Variants in ADGRL2 observed in about 807,000 individuals in gnomAD.
ADGRL2 encodes the protein calcium-independent alpha-latrotoxin receptor 2.
ADGRL2 carries 44 observed loss-of-function variants against 157.4 expected under a neutral mutation model. The observed-to-expected ratio is 0.28, with a 90% CI of 0.22 to 0.36. The LOEUF is 0.36. Ranked by LOEUF, ADGRL2 falls within the 10% of genes least tolerant of loss-of-function variation. The pLI, the probability that ADGRL2 is intolerant of heterozygous loss-of-function variation, is 1.00. For missense variants in ADGRL2, 1,510 were observed against 1,768.9 expected (o/e 0.85, Z 2.63); for synonymous variants, 585 against 624.7 (o/e 0.94, Z 0.95).
At chr1:81,523,432 G>C (rs891581315) in intron 2 of ADGRL2, among the ~76,000 whole-genome samples, 1 of 151,980 alleles carries the variant, frequency 6.6e-6, no homozygotes, top group African/African-American at 2.4e-5. Flanking sequence ...CACACACAGA[G>C]AGAGAGAGAA....
At chr1:81,632,171 C>T (rs868340841) in intron 3 of ADGRL2, among the ~76,000 whole-genome samples, 1 of 152,130 alleles carries the variant, frequency 6.6e-6, no homozygotes, top group Non-Finnish European at 1.5e-5. Flanking sequence ...AGCCCCTAGC[C>T]TATTGATACC....
chr1:81,702,497 C>G (rs1197039046), intron 1 of ADGRL2, among the ~76,000 whole-genome samples: 1 of 152,024 alleles, frequency 6.6e-6, no homozygotes, highest in African/African-American at 2.4e-5. Context: ...GGTGAAAGAA[C>G]TCCAGGGTAT....
rs1422333803 is a variant in ADGRL2, at chr1:81,427,629, C to T, written c.-301-17407C>T. The T allele has an allele frequency of 1.9e-5, 12 of 635,940 alleles. No individual in the cohort carries two copies. In the Admixed American group the frequency reaches 2.5e-4, roughly 13 times the overall value. The allele number at this position is 635,940 out of a possible 1,614,324, so 39.4% of individuals were successfully genotyped here. On this transcript the variant is annotated intron_variant, in intron 1 of 24. Transcript: ENST00000370721. Reference sequence around the variant, plus strand: ...AGGTTTTGAAAACAGCAGAAAAGGGCTGCAGCTCTTAGCAGGAGAGAGAGA... The same window carrying T: ...AGGTTTTGAAAACAGCAGAAAAGGGTTGCAGCTCTTAGCAGGAGAGAGAGA...
chr1:81,717,147 C>A (rs1309589110), intron 1 of ADGRL2, among the ~76,000 whole-genome samples: 3 of 152,158 alleles, frequency 2.0e-5, no homozygotes, highest in Non-Finnish European at 4.4e-5. Context: ...ATTATCAGGA[C>A]TTCCCAAAGC....
chr1:81,896,025 G>T (rs918953501), intron 2 of ADGRL2, among the ~76,000 whole-genome samples: 1 of 152,162 alleles, frequency 6.6e-6, no homozygotes, highest in Non-Finnish European at 1.5e-5. Flanking sequence ...ACTCAGGCTG[G>T]ATGGAGGTGG....
intron 2 of ADGRL2, among the ~76,000 whole-genome samples, chr1:81,782,244 A>G (rs980242336): frequency 6.6e-6 from 1 of 152,184 alleles, no homozygotes; most frequent in Non-Finnish European, 1.5e-5. Context: ...ATGGTGCTTG[A>G]TTAATGTTCA....
chr1:81,341,575 T>G (rs971320641), intron 1 of ADGRL2, among the ~76,000 whole-genome samples: 1 of 152,184 alleles, frequency 6.6e-6, no homozygotes, highest in African/African-American at 2.4e-5. Context: ...TATATTAGCC[T>G]TATAAAAGCA....
intron 1 of ADGRL2, among the ~76,000 whole-genome samples, chr1:81,431,435 G>A (rs2077319084): frequency 6.6e-6 from 1 of 152,116 alleles, no homozygotes; most frequent in Non-Finnish European, 1.5e-5. Flanking sequence ...GGCTGCCGCT[G>A]AAGGGCCACA....
chr1:81,747,293 G>GTATATA (rs1183759275), intron 1 of ADGRL2, among the ~76,000 whole-genome samples: 1 of 144,724 alleles, frequency 6.9e-6, no homozygotes, highest in African/African-American at 2.6e-5. Context: ...GCATACATGT[G>GTATATA]TATATATATA....
chr1:81,344,753 G>T (rs1233050837), intron 1 of ADGRL2, among the ~76,000 whole-genome samples: 1 of 149,714 alleles, frequency 6.7e-6, no homozygotes, highest in Admixed American at 6.7e-5. Context: ...AAAAAATCAA[G>T]GAAATATTTT....
chr1:81,794,018 A>G (rs558235342), intron 2 of ADGRL2, among the ~76,000 whole-genome samples: 2 of 152,124 alleles, frequency 1.3e-5, no homozygotes, highest in Non-Finnish European at 2.9e-5. Context: ...GCTTTTCTCT[A>G]ATTTTATTTT....
At chr1:81,367,862 C>G (rs1364765051) in intron 1 of ADGRL2, among the ~76,000 whole-genome samples, 1 of 152,074 alleles carries the variant, frequency 6.6e-6, no homozygotes, top group African/African-American at 2.4e-5. Context: ...TGATCTCATT[C>G]CTTTTTATGG....
At chr1:81,404,629 T>G (rs2076821329) in intron 1 of ADGRL2, among the ~76,000 whole-genome samples, 1 of 152,210 alleles carries the variant, frequency 6.6e-6, no homozygotes, top group African/African-American at 2.4e-5. Flanking sequence ...CTTGATAGGT[T>G]GTAAGCATTT....
intron 3 of ADGRL2, among the ~76,000 whole-genome samples, chr1:81,685,009 C>G (rs1370831623): frequency 6.6e-6 from 1 of 152,114 alleles, no homozygotes; most frequent in African/African-American, 2.4e-5. Context: ...TATTTTTATA[C>G]CTGTACCATG....
chr1:81,655,233 T>C (rs1016782509), intron 3 of ADGRL2, among the ~76,000 whole-genome samples: 7 of 152,256 alleles, frequency 4.6e-5, no homozygotes, highest in Admixed American at 2.6e-4. Context: ...ATCTCCTGAC[T>C]TCGTGATCCG....
chr1:81,793,292 T>C (rs1209424983), intron 2 of ADGRL2, among the ~76,000 whole-genome samples: 3 of 152,138 alleles, frequency 2.0e-5, no homozygotes, highest in Admixed American at 1.3e-4. Flanking sequence ...CCAAAGGGAA[T>C]TGCATCTTTA....
chr1:81,940,571 A>G (rs1647531263), intron 4 of ADGRL2, among the ~76,000 whole-genome samples: 1 of 151,636 alleles, frequency 6.6e-6, no homozygotes. Context: ...TGCCATTCCT[A>G]TGGCAAAAAT....
intron 3 of ADGRL2, among the ~76,000 whole-genome samples, chr1:81,923,310 A>T (rs2148640446): frequency 6.6e-6 from 1 of 152,208 alleles, no homozygotes; most frequent in East Asian, 1.9e-4. Context: ...TCATGATTAA[A>T]GATTAGTTCA....
chr1:81,681,439 C>T (rs1259993629), intron 3 of ADGRL2, among the ~76,000 whole-genome samples: 1 of 152,200 alleles, frequency 6.6e-6, no homozygotes, highest in Middle Eastern at 3.2e-3. Context: ...AAGGGTTAAA[C>T]TCAGCAATAT....
Sources: gnomAD v4.1 joint callset for allele counts (sites outside exome capture counted in the v4.1 genomes callset) on GRCh38, gnomAD v4.1.1 for gene constraint, MANE v1.5 for transcripts, NCBI Gene and HGNC (gene_info 2026-07-23, HGNC 2026-07-21) for gene names.